PERP: variants seen among roughly 807,000 people sequenced by gnomAD.
PERP encodes p53 apoptosis effector related to PMP-22.
A neutral mutation model predicts 20.3 loss-of-function variants in PERP; 11 were observed. The observed-to-expected ratio is 0.54, with a 90% CI of 0.34 to 0.90. The LOEUF is 0.90. PERP is among the 40% of genes least tolerant of loss of function. The pLI is 0.02. For synonymous variants in PERP, 101 were observed against 102.0 expected (o/e 0.99, Z 0.06); for missense variants, 224 against 249.4 (o/e 0.90, Z 0.69).
At position 138,090,295 on chromosome 6, in the gene PERP, T is replaced by C. The variant is rs1775557019; in HGVS notation, c.*1747A>G. The C allele has an allele frequency of 6.6e-6, 1 of 151,936 alleles. No individual in the cohort carries two copies. The highest frequency in any genetic ancestry group is 3.2e-3 in the Middle Eastern group (1 of 316). The allele number at this position is 151,936 out of a possible 1,614,324, so 9.4% of individuals were successfully genotyped here. A position where few individuals can be genotyped will look rare whatever the true frequency, so the allele number is the denominator to read the frequency against. ...CTCCCACCCAGCCTCTCTGCACCCA[T>C]CCTCACAATGACATACACCATAGTG... On this transcript the variant is annotated 3_prime_UTR_variant, in exon 3 of 3. Transcript: ENST00000421351.
In PERP at chr6:138,107,225, C is replaced by T. The variant is rs762336638; in HGVS notation, c.116G>A (p.Ser39Asn). The T allele has an allele frequency of 1.9e-6, 3 of 1,612,454 alleles. No individual in the cohort carries two copies. The highest frequency in any genetic ancestry group is 4.5e-5 in the East Asian group (2 of 44,834). ...CAGCGAGGACGTCTGGCCGTGGTCG[C>T]TAGACTGCAACCAGCCGCGGCCGGC... is the stretch of plus-strand genomic sequence containing the variant. ...ALAGRGWLQS[S>N]DHGQTSSLWW... Residue 39 changes from serine to asparagine, a missense_variant, in exon 1 of 3, where the codon AGC (serine) becomes AAC (asparagine). Transcript: ENST00000421351. The surrounding 1 kb of genome is among the most constrained non-coding windows in gnomAD (Gnocchi z 4.8).
chr6:138,100,252 A>G (rs953292359), intron 1 of PERP, among the ~76,000 whole-genome samples: 3 of 152,204 alleles, frequency 2.0e-5, no homozygotes, highest in Admixed American at 1.3e-4. Context: ...TTGAAAAGTT[A>G]ATAACTTTAT....
In PERP at chr6:138,107,335, G is replaced by T; in HGVS notation, c.6C>A (p.Ile2=). The T allele has an allele frequency of 6.3e-7, 1 of 1,594,844 alleles. No individual in the cohort carries two copies. Among genetic ancestry groups the T allele is most frequent in the Non-Finnish European group, 8.5e-7 (1 of 1,174,142 alleles). The change falls in exon 1 of 3, where the codon ATC becomes ATA. Residue 2 remains isoleucine (I), a synonymous_variant. Coordinates refer to ENST00000421351, the MANE Select transcript of PERP (RefSeq NM_022121.5). The surrounding 1 kb of genome is among the most constrained non-coding windows in gnomAD (Gnocchi z 4.8). M[I]RCGLACERCR... ...AGCGCTCGCAGGCCAGGCCGCAGCGGATCATGTTGACGGGCGGCGCGGGGC... is the reference window on the plus strand; with the variant it reads ...AGCGCTCGCAGGCCAGGCCGCAGCGTATCATGTTGACGGGCGGCGCGGGGC...
In PERP at chr6:138,090,510, AT is replaced by A; in HGVS notation, c.*1531del. The A allele has an allele frequency of 6.6e-6, 1 of 152,116 alleles. No individual in the cohort carries two copies. The highest frequency in any genetic ancestry group is 1.5e-5 in the Non-Finnish European group (1 of 68,030). 9.4% of individuals were successfully genotyped at this position (152,116 alleles called of 1,614,324 possible). ...GAACCTGCCAGAAATCTCTTAGTCC[AT>A]TTTCCTCTGGTTGATAGCACTGCAG... On this transcript the variant is annotated 3_prime_UTR_variant, in exon 3 of 3. Coordinates refer to ENST00000421351, the MANE Select transcript of PERP (RefSeq NM_022121.5).
rs1775855086 is a variant in PERP, at chr6:138,107,082, G to A, written c.214+45C>T. 1.3e-6 allele frequency: 2 copies of A among 1,563,724 alleles called. No individual in the cohort carries two copies. The highest frequency in any genetic ancestry group is 1.4e-5 in the African/African-American group (1 of 73,124). Reference sequence around the variant, plus strand: ...GGCGGCTTTTGCAGGCCGCGGCCCCGAGGGCTTCCTGGAGGCGGCGACGGC... The same window carrying A: ...GGCGGCTTTTGCAGGCCGCGGCCCCAAGGGCTTCCTGGAGGCGGCGACGGC... On this transcript the variant is annotated intron_variant, in intron 1 of 2. Transcript: ENST00000421351. The surrounding 1 kb of genome is among the most constrained non-coding windows in gnomAD (Gnocchi z 4.8).
chr6:138,102,817 C>T (rs1362883187), intron 1 of PERP, among the ~76,000 whole-genome samples: 2 of 152,106 alleles, frequency 1.3e-5, no homozygotes, highest in East Asian at 1.9e-4. Flanking sequence ...AATCTGTCTG[C>T]GGCCAGGCGC....
chr6:138,092,149 C>A lies in PERP; in HGVS notation c.475G>T (p.Ala159Ser), dbSNP rs1218215668. The A allele has an allele frequency of 2.5e-6, 4 of 1,614,102 alleles. No individual in the cohort carries two copies. The highest frequency in any genetic ancestry group is 1.6e-4 in the Middle Eastern group (1 of 6,062). ...YNWAYGFGWA[A>S]TIILIGCAFF... ...GCACAGCCAATCAGGATAATCGTGG[C>A]TGCCCACCCAAAGCCGTAGGCCCAG... Residue 159 changes from alanine (A) to serine (S), a missense_variant, in exon 3 of 3, where the codon GCC (alanine) becomes TCC (serine). Physicochemically the swap from Ala to Ser is moderately conservative, Grantham distance 99. Coordinates refer to ENST00000421351, the MANE Select transcript of PERP (RefSeq NM_022121.5).
Position 138,091,714 on chromosome 6 carries a change from A to G in PERP, c.*328T>C, listed in dbSNP as rs1185460584. 1 of 189,884 alleles carries G rather than the reference A, an allele frequency of 5.3e-6. No individual in the cohort carries two copies. The highest frequency in any genetic ancestry group is 1.1e-5 in the Non-Finnish European group (1 of 92,124). 11.8% of individuals were successfully genotyped at this position (189,884 alleles called of 1,614,324 possible). A position where few individuals can be genotyped will look rare whatever the true frequency, so the allele number is the denominator to read the frequency against. On this transcript the variant is annotated 3_prime_UTR_variant, in exon 3 of 3. Coordinates refer to ENST00000421351, the MANE Select transcript of PERP (RefSeq NM_022121.5). ...ACTTGATCAGATTATTAAATCTTGG[A>G]AACCTCATTTTTACCTTATAAAGTG... is the stretch of plus-strand genomic sequence containing the variant.
chr6:138,099,834 T>C (rs533985831), intron 1 of PERP, among the ~76,000 whole-genome samples: 1 of 152,194 alleles, frequency 6.6e-6, no homozygotes, highest in East Asian at 1.9e-4. Context: ...AACATAAATA[T>C]AGGAATATTT....
rs1775590190 is a variant in PERP at position 138,091,940 on chromosome 6, T to C, written c.*102A>G. ...AGCATTTTTGACTAGTTTAATAATA[T>C]GAACACTGCCAAAAAATGGGTTCAA... On this transcript the variant is annotated 3_prime_UTR_variant, in exon 3 of 3. Coordinates refer to ENST00000421351, the MANE Select transcript of PERP (RefSeq NM_022121.5). The C allele has an allele frequency of 2.3e-5, 24 of 1,032,328 alleles. No individual in the cohort carries two copies. The Admixed American group carries it at 6.4e-4, about 27-fold the overall frequency. The allele number at this position is 1,032,328 out of a possible 1,614,324, so 63.9% of individuals were successfully genotyped here. A position where few individuals can be genotyped will look rare whatever the true frequency, so the allele number is the denominator to read the frequency against.
chr6:138,089,106 G>A lies in PERP; in HGVS notation c.*2936C>T, dbSNP rs187523440. 6.6e-6 allele frequency: 1 copy of A among 152,226 alleles called. No individual in the cohort carries two copies. Among genetic ancestry groups the A allele is most frequent in the East Asian group, 1.9e-4 (1 of 5,172 alleles). 9.4% of individuals were successfully genotyped at this position (152,226 alleles called of 1,614,324 possible). ...GGGGATCATTTACAATCATTTTACA[G>A]GTGAGGATATTGAGACCAGCAGGGA... is the stretch of plus-strand genomic sequence containing the variant. On this transcript the variant is annotated 3_prime_UTR_variant, in exon 3 of 3. Coordinates refer to ENST00000421351, the MANE Select transcript of PERP (RefSeq NM_022121.5).
Position 138,090,675 on chromosome 6 carries a change from A to C in PERP, c.*1367T>G, listed in dbSNP as rs1775563983. 6.8e-6 allele frequency: 1 copy of C among 146,402 alleles called. No individual in the cohort carries two copies. The highest frequency in any genetic ancestry group is 1.5e-5 in the Non-Finnish European group (1 of 65,536). The allele number at this position is 146,402 out of a possible 1,614,324, so 9.1% of individuals were successfully genotyped here. A position where few individuals can be genotyped will look rare whatever the true frequency, so the allele number is the denominator to read the frequency against. Reference sequence around the variant, plus strand: ...GCAAGGCCCTTAAAACTTCAAACAAAAAAACAAACAAAAACCACTTTTCAT... The same window carrying C: ...GCAAGGCCCTTAAAACTTCAAACAACAAAACAAACAAAAACCACTTTTCAT... On this transcript the variant is annotated 3_prime_UTR_variant, in exon 3 of 3. Coordinates refer to ENST00000421351, the MANE Select transcript of PERP (RefSeq NM_022121.5).
rs1370378666 is a variant in PERP at position 138,091,407 on chromosome 6, G to A, written c.*635C>T. 2 of 152,060 alleles carry A rather than the reference G, an allele frequency of 1.3e-5. No individual in the cohort carries two copies. The highest frequency in any genetic ancestry group is 2.4e-5 in the African/African-American group (1 of 41,398). 9.4% of individuals were successfully genotyped at this position (152,060 alleles called of 1,614,324 possible). A position where few individuals can be genotyped will look rare whatever the true frequency, so the allele number is the denominator to read the frequency against. ...TTAAAGGAAAGCCTTACCAACTATGGCAACAGGTTTGGACCATGAAATAGT... is the reference window on the plus strand; with the variant it reads ...TTAAAGGAAAGCCTTACCAACTATGACAACAGGTTTGGACCATGAAATAGT... On this transcript the variant is annotated 3_prime_UTR_variant, in exon 3 of 3. Coordinates refer to ENST00000421351, the MANE Select transcript of PERP (RefSeq NM_022121.5).
chr6:138,092,332 T>A, intron 2 of PERP, 64 bp from the exon 3 acceptor site: 1 of 1,333,922 alleles, frequency 7.5e-7, no homozygotes, highest in Non-Finnish European at 1.1e-6. Flanking sequence ...AAATACACAT[T>A]AGCGACAGAT....
In PERP at chr6:138,107,241, C is replaced by T. The variant is rs1238585676; in HGVS notation, c.100G>A (p.Gly34Ser). ...AFDIIALAGR[G>S]WLQSSDHGQT... ...CCGTGGTCGCTAGACTGCAACCAGC[C>T]GCGGCCGGCCAGCGCGATGATGTCG... Residue 34 changes from glycine (G) to serine (S), a missense_variant, in exon 1 of 3, where the codon GGC becomes AGC. Transcript: ENST00000421351. This position sits in a 1 kb window ranked among gnomAD's most constrained non-coding sequence, Gnocchi z 4.8. The T allele has an allele frequency of 5.6e-6, 9 of 1,612,284 alleles. No homozygotes were observed. Among genetic ancestry groups the T allele is most frequent in the Non-Finnish European group, 7.6e-6 (9 of 1,179,672 alleles).
intron 1 of PERP, among the ~76,000 whole-genome samples, chr6:138,101,855 C>T: frequency 6.6e-6 from 1 of 152,058 alleles, no homozygotes; most frequent in East Asian, 1.9e-4. Flanking sequence ...GTGATTTGGC[C>T]AGTGCTTCTG....
chr6:138,092,017 A>AT lies in PERP; in HGVS notation c.*24dup. The AT allele has an allele frequency of 1.9e-6, 3 of 1,601,410 alleles. No homozygotes were observed. The highest frequency in any genetic ancestry group is 2.6e-6 in the Non-Finnish European group (3 of 1,170,120). On this transcript the variant is annotated 3_prime_UTR_variant, in exon 3 of 3. Transcript: ENST00000421351. ...TCTGGAGTCCATCTCAGCAGCAGCGATTTTCTCCCACATTCATTCCCAAGT... is the reference window on the plus strand; with the variant it reads ...TCTGGAGTCCATCTCAGCAGCAGCGATTTTTCTCCCACATTCATTCCCAAGT...
chr6:138,097,958 T>C (rs1157008583), intron 1 of PERP, among the ~76,000 whole-genome samples: 2 of 152,204 alleles, frequency 1.3e-5, no homozygotes, highest in African/African-American at 4.8e-5. Context: ...CTCTATACCT[T>C]TGCCGATTTT....
intron 1 of PERP, among the ~76,000 whole-genome samples, chr6:138,100,002 A>G (rs560721400): frequency 6.6e-6 from 1 of 152,358 alleles, no homozygotes. Flanking sequence ...TCCTTGCATC[A>G]CAGAAACACC....
Sources: gnomAD v4.1 joint callset for allele counts (sites outside exome capture counted in the v4.1 genomes callset) on GRCh38, gnomAD v4.1.1 for gene constraint, Gnocchi (gnomAD v3.1) non-coding constraint, MANE v1.5 for transcripts, NCBI Gene and HGNC (gene_info 2026-07-23, HGNC 2026-07-21) for gene names.